The following ZKSCAN2 variants were observed in gnomAD, a reference collection of about 807,000 sequenced individuals.
ZKSCAN2 encodes zinc finger with KRAB and SCAN domains 2.
ZKSCAN2 carries 38 observed loss-of-function variants against 90.5 expected under a neutral mutation model. That is an observed-to-expected ratio of 0.42 (90% CI 0.32 to 0.55). The LOEUF (loss-of-function observed/expected upper bound fraction) is 0.55, where lower values mean the gene tolerates loss of function less well. Ranked by LOEUF, ZKSCAN2 falls within the 20% of genes least tolerant of loss-of-function variation. The pLI, the probability that ZKSCAN2 is intolerant of heterozygous loss-of-function variation, is 0.11. For synonymous variants in ZKSCAN2, 429 were observed against 421.6 expected, an observed-to-expected ratio of 1.02 and a Z score of -0.22; for missense variants, 1,167 against 1,202.6, an observed-to-expected ratio of 0.97 and a Z score of 0.44.
chr16:25,249,353 G>C (rs546525549), intron 4 of ZKSCAN2, among the ~76,000 whole-genome samples: 1 of 152,108 alleles, frequency 6.6e-6, no homozygotes, highest in Non-Finnish European at 1.5e-5. Flanking sequence ...GCAGTGGCAC[G>C]ATCTCGACTT....
rs749958997 is a variant in ZKSCAN2, at chr16:25,243,845, C to T, written c.1921G>A (p.Glu641Lys). The change falls in exon 6 of 7, where the codon GAG becomes AAG. Residue 641 changes from glutamate to lysine, a missense_variant. Coordinates refer to ENST00000328086, the MANE Select transcript of ZKSCAN2 (RefSeq NM_001012981.5). ...AACTCTGGCTCTTGCACAATTTCCT[C>T]CTCGCTCATTCTCTCACTGCAAGAG... ...EDSCSERMSE[E>K]EIVQEPEFQG... 6.2e-7 allele frequency: 1 copy of T among 1,614,114 alleles called. No individual in the cohort carries two copies. Among genetic ancestry groups the T allele is most frequent in the Admixed American group, 1.7e-5 (1 of 60,014 alleles).
rs1031942040 is a variant in ZKSCAN2 at position 25,237,992 on chromosome 16, G to A, written c.*1824C>T. ...GACAACACAGAAAAATCAACCTATT[G>A]AGATGTGAACAGTCATAATATTTCC... is the stretch of plus-strand genomic sequence containing the variant. On this transcript the variant is annotated 3_prime_UTR_variant, in exon 7 of 7. Coordinates refer to ENST00000328086, the MANE Select transcript of ZKSCAN2 (RefSeq NM_001012981.5). The A allele has an allele frequency of 6.6e-6, 1 of 152,202 alleles. No individual in the cohort carries two copies. Among genetic ancestry groups the A allele is most frequent in the Non-Finnish European group, 1.5e-5 (1 of 68,048 alleles). The allele number at this position is 152,202 out of a possible 1,614,324, so 9.4% of individuals were successfully genotyped here. A position where few individuals can be genotyped will look rare whatever the true frequency, so the allele number is the denominator to read the frequency against.
At position 25,257,811 on chromosome 16, in the gene ZKSCAN2, C is replaced by T. The variant is rs1404959090; in HGVS notation, c.-684G>A. 6.6e-6 allele frequency: 1 copy of T among 152,104 alleles called. No individual in the cohort carries two copies. The highest frequency in any genetic ancestry group is 2.4e-5 in the African/African-American group (1 of 41,416). The allele number at this position is 152,104 out of a possible 1,614,324, so 9.4% of individuals were successfully genotyped here. On this transcript the variant is annotated 5_prime_UTR_variant, in exon 1 of 7. Transcript: ENST00000328086. ...GCGGCAGGCTGCTCGCGTTCGGCCT[C>T]GTCCACTCGGCCCGCGGAGAGCGCG...
At chr16:25,253,109 G>C in intron 2 of ZKSCAN2, 72 bp from the exon 3 acceptor site, 1 of 1,181,110 alleles carries the variant, frequency 8.5e-7, no homozygotes, top group Admixed American at 1.7e-5. Context: ...CTCTTTTTAA[G>C]AGATGAGTAT....
rs1470957716 is a variant in ZKSCAN2 at position 25,256,951 on chromosome 16, G to C, written c.177C>G (p.Pro59=). 2.5e-6 allele frequency: 4 copies of C among 1,614,214 alleles called. No homozygotes were observed. The highest frequency in any genetic ancestry group is 3.3e-5 in the Admixed American group (2 of 60,024). The change falls in exon 1 of 7, where the codon CCC becomes CCG. Residue 59 remains proline, a synonymous_variant. Transcript: ENST00000328086. ...CCCAGAGTTTACTGAAAGCTTCATG[G>C]GGTCCAGTCACATCCTCATAACAGA... ...RQFCYEDVTG[P]HEAFSKLWEL...
chr16:25,250,548 A>G (rs1465036087), intron 4 of ZKSCAN2, among the ~76,000 whole-genome samples: 1 of 152,220 alleles, frequency 6.6e-6, no homozygotes, highest in African/African-American at 2.4e-5. Context: ...ATACAGCATG[A>G]TGGTTACAGT....
At chr16:25,241,840 A>G (rs537527985) in intron 6 of ZKSCAN2, among the ~76,000 whole-genome samples, 25 of 152,282 alleles carry the variant, frequency 1.6e-4, no homozygotes, top group African/African-American at 6.0e-4. Context: ...GGCAGCCATC[A>G]ATCAATCTAG....
rs147684029 is a variant in ZKSCAN2 at position 25,253,795 on chromosome 16, G to A, written c.587-758C>T. Among the ~76,000 whole-genome samples, 541 of 152,242 alleles carry A rather than the reference G, an allele frequency of 3.6e-3. 2 individuals are homozygous for A. The highest frequency in any genetic ancestry group is 5.8e-3 in the Non-Finnish European group (396 of 68,010). On this transcript the variant is annotated intron_variant, in intron 2 of 6. Transcript: ENST00000328086. ...GGCCAAGGCGGGCAGATCACCTAACGTGAGGAGTTCAAGACCAGCCTGGTC... is the reference window on the plus strand; with the variant it reads ...GGCCAAGGCGGGCAGATCACCTAACATGAGGAGTTCAAGACCAGCCTGGTC...
chr16:25,245,906 T>C (rs1423824665), intron 5 of ZKSCAN2, among the ~76,000 whole-genome samples: 1 of 152,226 alleles, frequency 6.6e-6, no homozygotes, highest in Non-Finnish European at 1.5e-5. Context: ...TTAACACTAA[T>C]AACAACCCTA....
At chr16:25,244,367 A>G in intron 5 of ZKSCAN2, 91 bp from the exon 6 acceptor site, 1 of 1,436,464 alleles carries the variant, frequency 7.0e-7, no homozygotes, top group South Asian at 1.4e-5. Context: ...GAGGTAAAAA[A>G]AAATCCCATT....
Position 25,253,040 on chromosome 16 carries a change from G to A in ZKSCAN2, c.587-3C>T. The A allele has an allele frequency of 1.2e-6, 2 of 1,611,994 alleles. No individual in the cohort carries two copies. The highest frequency in any genetic ancestry group is 1.3e-5 in the African/African-American group (1 of 75,024). On this transcript the variant is annotated splice_polypyrimidine_tract_variant and splice_region_variant and intron_variant, in intron 2 of 6. Transcript: ENST00000328086. Reference sequence around the variant, plus strand: ...AGGAACCCAGGGAGAAGGCCGAGCTGTAAGAATAGAAAGAAACGATTAGTA... The same window carrying A: ...AGGAACCCAGGGAGAAGGCCGAGCTATAAGAATAGAAAGAAACGATTAGTA...
intron 1 of ZKSCAN2, among the ~76,000 whole-genome samples, chr16:25,256,339 C>CTTT (rs59703586): frequency 4.2e-5 from 6 of 141,948 alleles, no homozygotes; most frequent in African/African-American, 1.5e-4. Context: ...CGGATGAAGT[C>CTTT]TTTTTTTTTT....
rs67426462 is a variant in ZKSCAN2 at position 25,253,226 on chromosome 16, C to T, written c.587-189G>A. Among the ~76,000 whole-genome samples, 44,113 of 151,888 alleles carry T rather than the reference C, an allele frequency of 0.29. 7,314 individuals carry two copies. Among genetic ancestry groups the T allele is most frequent in the African/African-American group, 0.45 (18,471 of 41,388 alleles). ...TGGGATCACAGCCTCAAATGCTTTC[C>T]GGGGGTAAGCAAGTAAATACAGGAT... On this transcript the variant is annotated intron_variant, in intron 2 of 6. Transcript: ENST00000328086.
intron 6 of ZKSCAN2, 67 bp from the exon 7 acceptor site, chr16:25,240,805 C>T: frequency 7.2e-7 from 1 of 1,390,510 alleles, no homozygotes; most frequent in South Asian, 1.3e-5. Flanking sequence ...ACCTGGCTTG[C>T]AAGGCTTGAT....
Position 25,239,703 on chromosome 16 carries a change from T to C in ZKSCAN2, c.*113A>G. On this transcript the variant is annotated 3_prime_UTR_variant, in exon 7 of 7. Transcript: ENST00000328086. ...ACAGGATGAAAGTGTTTAGTTTATT[T>C]ATATTCTCAAGTTTATCTTGGAAAT... 1 of 938,644 alleles carries C rather than the reference T, an allele frequency of 1.1e-6. No homozygotes were observed. The highest frequency in any genetic ancestry group is 1.6e-6 in the Non-Finnish European group (1 of 627,564). The allele number at this position is 938,644 out of a possible 1,614,324, so 58.1% of individuals were successfully genotyped here.
At chr16:25,248,688 A>G (rs1962974471) in intron 4 of ZKSCAN2, among the ~76,000 whole-genome samples, 4 of 152,234 alleles carry the variant, frequency 2.6e-5, no homozygotes. Flanking sequence ...ACCTCTGAAT[A>G]CTGTTGGCAG....
At position 25,238,024 on chromosome 16, in the gene ZKSCAN2, T is replaced by C. The variant is rs1391398154; in HGVS notation, c.*1792A>G. On this transcript the variant is annotated 3_prime_UTR_variant, in exon 7 of 7. Coordinates refer to ENST00000328086, the MANE Select transcript of ZKSCAN2 (RefSeq NM_001012981.5). ...GAACAGTCATAATATTTCCAACAAATGTAAATCAGAAACATTTATCAATGT... is the reference window on the plus strand; with the variant it reads ...GAACAGTCATAATATTTCCAACAAACGTAAATCAGAAACATTTATCAATGT... The C allele has an allele frequency of 6.6e-6, 1 of 152,238 alleles. No individual in the cohort carries two copies. Among genetic ancestry groups the C allele is most frequent in the Non-Finnish European group, 1.5e-5 (1 of 68,048 alleles). The allele number at this position is 152,238 out of a possible 1,614,324, so 9.4% of individuals were successfully genotyped here.
intron 4 of ZKSCAN2, among the ~76,000 whole-genome samples, chr16:25,251,099 C>T (rs1019487): frequency 6.6e-6 from 1 of 151,876 alleles, no homozygotes; most frequent in Non-Finnish European, 1.5e-5. Context: ...TTTATTTGTA[C>T]CCCAATAAAG....
intron 6 of ZKSCAN2, among the ~76,000 whole-genome samples, chr16:25,241,795 A>G (rs73553134): frequency 0.025 from 3,863 of 152,236 alleles, 165 homozygotes; most frequent in African/African-American, 0.086. Context: ...CTCAATCCCA[A>G]GTGTGGAGGC....
Sources: allele counts gnomAD v4.1 joint callset (sites outside exome capture counted in the v4.1 genomes callset), GRCh38; gene constraint gnomAD v4.1.1; transcripts MANE v1.5; gene names NCBI Gene and HGNC (gene_info 2026-07-23, HGNC 2026-07-21).